Variants in RAB24 observed in about 807,000 individuals in gnomAD.
RAB24 encodes the protein RAB24, member RAS oncogene family, also known as ras-related protein Rab-24.
In RAB24, 9 loss-of-function variants were observed where a neutral mutation model predicts 31.4. The observed-to-expected ratio is 0.29, with a 90% CI of 0.17 to 0.50. RAB24 has a LOEUF of 0.50. Ranked by LOEUF, RAB24 falls within the 20% of genes least tolerant of loss-of-function variation. RAB24 has a pLI of 0.98. For missense variants in RAB24, 197 were observed against 265.2 expected (o/e 0.74, Z 1.79); for synonymous variants, 106 against 94.1 (o/e 1.13, Z -0.73).
In RAB24 at chr5:177,301,672, G is replaced by A. The variant is rs2127296117; in HGVS notation, c.*71C>T. 1 of 1,558,748 alleles carries A rather than the reference G, an allele frequency of 6.4e-7. No homozygotes were observed. Among genetic ancestry groups the A allele is most frequent in the South Asian group, 1.1e-5 (1 of 89,648 alleles). The stretch of plus-strand genomic sequence containing the variant: ...GTAGCTCAGACATTTGACTACCCAA[G>A]CCCAGAAAGGAGCTGGGTCCAGCCC... On this transcript the variant is annotated 3_prime_UTR_variant, in exon 8 of 8. Coordinates refer to ENST00000303251, the MANE Select transcript of RAB24 (RefSeq NM_001031677.4).
rs370990517 is a variant in RAB24 at position 177,303,145 on chromosome 5, G to T, written c.117+27C>A. 6.4e-7 allele frequency: 1 copy of T among 1,568,024 alleles called. No homozygotes were observed. The highest frequency in any genetic ancestry group is 1.4e-5 in the African/African-American group (1 of 73,962). On this transcript the variant is annotated intron_variant, in intron 1 of 7. Coordinates refer to ENST00000303251, the MANE Select transcript of RAB24 (RefSeq NM_001031677.4). This position sits in a 1 kb window ranked among gnomAD's most constrained non-coding sequence, Gnocchi z 6.1. ...CCGGCCCCCCACTCCCCCGCCCACC[G>T]TGCCTGGCCCCTCCGGATGCACTCA...
intron 2 of RAB24, 47 bp from the exon 3 acceptor site, chr5:177,302,877 C>T (rs780932556): frequency 6.2e-7 from 1 of 1,604,292 alleles, no homozygotes; most frequent in South Asian, 1.1e-5. Flanking sequence ...TTCTCCAGAC[C>T]CCGCTATTTT....
At position 177,302,455 on chromosome 5, in the gene RAB24, C is replaced by T. The variant is rs1205454952; in HGVS notation, c.375G>A (p.Leu125=). 10 of 1,613,942 alleles carry T rather than the reference C, an allele frequency of 6.2e-6. No homozygotes were observed. The highest frequency in any genetic ancestry group is 2.2e-5 in the South Asian group (2 of 91,090). The change falls in exon 5 of 8, where the codon CTG becomes CTA. Residue 125 remains leucine (L), a synonymous_variant. Coordinates refer to ENST00000303251, the MANE Select transcript of RAB24 (RefSeq NM_001031677.4). The stretch of plus-strand genomic sequence containing the variant: ...CACGTCGACGCCTCCGGTCTTCTTC[C>T]AGCAGGTCACTCTTGGTGCCACATA... ...IYLCGTKSDL[L]EEDRRRRRVD...
chr5:177,302,920 T>A (rs897795708), intron 2 of RAB24, 89 bp downstream of exon 2: 6 of 1,589,844 alleles, frequency 3.8e-6, no homozygotes. Context: ...GAGAAATGGG[T>A]CTGTGAGGCC....
rs768998526 is a variant in RAB24, at chr5:177,302,564, T to C, written c.333+13A>G. ...CCCAGCCCCTAGTGTTCTAGTGAGG[T>C]CTGTTCACCTACCTCCTCTAGGCTG... On this transcript the variant is annotated intron_variant, in intron 4 of 7. Transcript: ENST00000303251. The C allele has an allele frequency of 2.9e-5, 46 of 1,614,026 alleles. No homozygotes were observed. Among genetic ancestry groups the C allele is most frequent in the Non-Finnish European group, 3.8e-5 (45 of 1,179,960 alleles).
intron 5 of RAB24, 42 bp from the exon 6 acceptor site, chr5:177,302,220 A>C: frequency 6.2e-7 from 1 of 1,607,360 alleles, no homozygotes. Context: ...TGAGAATTAG[A>C]TAAACAGACA....
chr5:177,302,573 C>T lies in RAB24; in HGVS notation c.333+4G>A, dbSNP rs769493852. 21 of 1,614,204 alleles carry T rather than the reference C, an allele frequency of 1.3e-5. No homozygotes were observed. In the South Asian group the frequency reaches 2.2e-4, roughly 17 times the overall value. On this transcript the variant is annotated splice_donor_region_variant and intron_variant, in intron 4 of 7. Coordinates refer to ENST00000303251, the MANE Select transcript of RAB24 (RefSeq NM_001031677.4). ...TAGTGTTCTAGTGAGGTCTGTTCACCTACCTCCTCTAGGCTGCGCAGTTCC... is the reference window on the plus strand; with the variant it reads ...TAGTGTTCTAGTGAGGTCTGTTCACTTACCTCCTCTAGGCTGCGCAGTTCC...
intron 6 of RAB24, 36 bp from the exon 7 acceptor site, chr5:177,302,023 G>A (rs1436715971): frequency 1.9e-6 from 3 of 1,612,158 alleles, no homozygotes; most frequent in East Asian, 2.2e-5. Flanking sequence ...AGGGCCCAAT[G>A]CCAGTAGCCC....
In RAB24 at chr5:177,302,771, C is replaced by T; in HGVS notation, c.246G>A (p.Lys82=). 1 of 1,375,502 alleles carries T rather than the reference C, an allele frequency of 7.3e-7. No individual in the cohort carries two copies. The highest frequency in any genetic ancestry group is 1.1e-5 in the South Asian group (1 of 87,392). 85.2% of individuals were successfully genotyped at this position (1,375,502 alleles called of 1,614,324 possible). A position where few individuals can be genotyped will look rare whatever the true frequency, so the allele number is the denominator to read the frequency against. ...AMSRIYYRGA[K]AAIVCYDLTD... is the part of the protein sequence containing the mutation. Reference sequence around the variant, plus strand: ...CCTTACCATAGCAGACGATGGCAGCCTTGGCACCCCGATAGTAGATTCTAC... The same window carrying T: ...CCTTACCATAGCAGACGATGGCAGCTTTGGCACCCCGATAGTAGATTCTAC... Residue 82 remains lysine (K), a synonymous_variant, in exon 3 of 8, where the codon AAG becomes AAA. Transcript: ENST00000303251.
chr5:177,303,059 C>A lies in RAB24; in HGVS notation c.136G>T (p.Val46Leu). The A allele has an allele frequency of 6.2e-7, 1 of 1,614,112 alleles. No homozygotes were observed. Among genetic ancestry groups the A allele is most frequent in the Non-Finnish European group, 8.5e-7 (1 of 1,180,032 alleles). ...PYQNTIGAAFVAKVMSVGDRT... is the reference protein window; with the variant it reads ...PYQNTIGAAFLAKVMSVGDRT... ...TCTCCGACCGACATCACCTTGGCCA[C>A]GAAGGCGGCCCCGATGGTCTGCAAC... Residue 46 changes from valine to leucine, a missense_variant, in exon 2 of 8, where the codon GTG (valine) becomes TTG (leucine). Coordinates refer to ENST00000303251, the MANE Select transcript of RAB24 (RefSeq NM_001031677.4). This position sits in a 1 kb window ranked among gnomAD's most constrained non-coding sequence, Gnocchi z 6.1.
chr5:177,302,732 C>T lies in RAB24; in HGVS notation c.265+20G>A. ...ACCCATCTTTTCTTGTGAGACAGCC[C>T]AAACCCCCCCCCCCCTTACCATAGC... On this transcript the variant is annotated intron_variant, in intron 3 of 7. Coordinates refer to ENST00000303251, the MANE Select transcript of RAB24 (RefSeq NM_001031677.4). The T allele has an allele frequency of 6.5e-7, 1 of 1,539,784 alleles. No individual in the cohort carries two copies. The highest frequency in any genetic ancestry group is 8.7e-7 in the Non-Finnish European group (1 of 1,149,632).
chr5:177,303,600 T>C lies in RAB24; in HGVS notation c.-312A>G. 6.4e-6 allele frequency: 3 copies of C among 471,476 alleles called. No individual in the cohort carries two copies. The East Asian group carries it at 1.1e-4, about 17-fold the overall frequency. 29.2% of individuals were successfully genotyped at this position (471,476 alleles called of 1,614,324 possible). A position where few individuals can be genotyped will look rare whatever the true frequency, so the allele number is the denominator to read the frequency against. ...CGCCGCCGTGCAGCTCGCTACTCCGTCATTCGCTCGCCTGCCCGGCTTAAG... is the reference window on the plus strand; with the variant it reads ...CGCCGCCGTGCAGCTCGCTACTCCGCCATTCGCTCGCCTGCCCGGCTTAAG... On this transcript the variant is annotated 5_prime_UTR_variant, in exon 1 of 8. Transcript: ENST00000303251. The surrounding 1 kb of genome is among the most constrained non-coding windows in gnomAD (Gnocchi z 6.1).
intron 2 of RAB24, 88 bp from the exon 3 acceptor site, chr5:177,302,918 G>T: frequency 8.8e-6 from 14 of 1,588,404 alleles, no homozygotes; most frequent in Non-Finnish European, 1.2e-5. Context: ...ATGAGAAATG[G>T]GTCTGTGAGG....
Position 177,303,293 on chromosome 5 carries a change from C to A in RAB24, c.-5G>T. ...GTCCACGCGCTGCCCGCTCATGCTC[C>A]CGGGGCCGCTTCAGCCACGTCAGGG... On this transcript the variant is annotated 5_prime_UTR_variant, in exon 1 of 8. Coordinates refer to ENST00000303251, the MANE Select transcript of RAB24 (RefSeq NM_001031677.4). The surrounding 1 kb of genome is among the most constrained non-coding windows in gnomAD (Gnocchi z 6.1). 1 of 1,613,514 alleles carries A rather than the reference C, an allele frequency of 6.2e-7. No homozygotes were observed. The highest frequency in any genetic ancestry group is 8.5e-7 in the Non-Finnish European group (1 of 1,179,922).
Position 177,303,104 on chromosome 5 carries a change from C to T in RAB24, c.118-27G>A. On this transcript the variant is annotated intron_variant, in intron 1 of 7. Transcript: ENST00000303251. The surrounding 1 kb of genome is among the most constrained non-coding windows in gnomAD (Gnocchi z 6.1). Reference sequence around the variant, plus strand: ...TGCAACGAGAGGGAAGAGATCGGGGCCATAGGTGCAGATTACCGGCCCCCC... The same window carrying T: ...TGCAACGAGAGGGAAGAGATCGGGGTCATAGGTGCAGATTACCGGCCCCCC... 1.2e-6 allele frequency: 2 copies of T among 1,613,946 alleles called. No homozygotes were observed. The highest frequency in any genetic ancestry group is 1.7e-6 in the Non-Finnish European group (2 of 1,179,998).
At position 177,302,740 on chromosome 5, in the gene RAB24, C is replaced by T. The variant is rs763035123; in HGVS notation, c.265+12G>A. ...TTTCTTGTGAGACAGCCCAAACCCC[C>T]CCCCCCCTTACCATAGCAGACGATG... On this transcript the variant is annotated intron_variant, in intron 3 of 7. Transcript: ENST00000303251. 2.6e-6 allele frequency: 4 copies of T among 1,553,338 alleles called. No homozygotes were observed. The highest frequency in any genetic ancestry group is 3.6e-6 in the Non-Finnish European group (4 of 1,125,554).
rs1561590394 is a variant in RAB24 at position 177,303,239 on chromosome 5, T to TA, written c.49dup (p.Tyr17LeufsTer6). On this transcript the variant is annotated frameshift_variant, in exon 1 of 8. Transcript: ENST00000303251. LOFTEE classifies it high-confidence loss of function. This position sits in a 1 kb window ranked among gnomAD's most constrained non-coding sequence, Gnocchi z 6.1. ...CTCCACCAGGCTAGTCTTGCCCACG[T>TA]ACTCCTTGCCCAGCATCACCACCTT... The TA allele has an allele frequency of 6.2e-7, 1 of 1,613,710 alleles. No homozygotes were observed. The highest frequency in any genetic ancestry group is 8.5e-7 in the Non-Finnish European group (1 of 1,179,998).
In RAB24 at chr5:177,302,195, C is replaced by T. The variant is rs1406571298; in HGVS notation, c.434-17G>A. ...CTTTGATATCTGTAAAGAGAAGTGA[C>T]TAAAGCCTCATACCTGAGAATTAGA... is the stretch of plus-strand genomic sequence containing the variant. On this transcript the variant is annotated splice_polypyrimidine_tract_variant and intron_variant, in intron 5 of 7. Transcript: ENST00000303251. 15 of 1,613,666 alleles carry T rather than the reference C, an allele frequency of 9.3e-6. No individual in the cohort carries two copies. Among genetic ancestry groups the T allele is most frequent in the Non-Finnish European group, 1.3e-5 (15 of 1,179,646 alleles).
chr5:177,301,505 T>C lies in RAB24; in HGVS notation c.*238A>G. ...CAGATCAAAAGCCACTTAAATAATC[T>C]GCAGACACAAGTGCTGTCCAGGGCA... On this transcript the variant is annotated 3_prime_UTR_variant, in exon 8 of 8. Transcript: ENST00000303251. 1.7e-6 allele frequency: 1 copy of C among 577,590 alleles called. No individual in the cohort carries two copies. 35.8% of individuals were successfully genotyped at this position (577,590 alleles called of 1,614,324 possible).
Sources: gnomAD v4.1 joint callset for allele counts on GRCh38, gnomAD v4.1.1 for gene constraint, Gnocchi (gnomAD v3.1) non-coding constraint, MANE v1.5 for transcripts, NCBI Gene and HGNC (gene_info 2026-07-23, HGNC 2026-07-21) for gene names.